Variants in RORA observed in about 807,000 individuals in gnomAD.
RORA encodes the protein RAR related orphan receptor A, also known as nuclear receptor ROR-alpha.
Under a neutral mutation model 69.5 loss-of-function variants are expected in RORA, and 7 were observed. The ratio of observed to expected loss-of-function variants is 0.10; its 90% CI spans 0.06 to 0.19. The LOEUF is 0.19. RORA is among the 10% of genes least tolerant of loss of function. The pLI is 1.00. For synonymous variants in RORA, 261 were observed against 240.8 expected, an observed-to-expected ratio of 1.08 and a Z score of -0.78; for missense variants, 457 against 663.0, an observed-to-expected ratio of 0.69 and a Z score of 3.41.
chr15:60,836,315 G>A lies in RORA; in HGVS notation c.167-157629C>T, dbSNP rs556413810. ...GAGGAGACAAAAAAAAGGAACTTCC[G>A]TCTTGCTCTGGATTTTTTAAAACTT... On this transcript the variant is annotated intron_variant, in intron 1 of 10. Transcript: ENST00000335670. 9.2e-5 allele frequency among the ~76,000 whole-genome samples: 14 copies of A among 152,242 alleles called. No homozygotes were observed. The South Asian group carries it at 1.7e-3, about 18-fold the overall frequency.
intron 1 of RORA, among the ~76,000 whole-genome samples, chr15:60,879,189 T>C (rs1202359568): frequency 6.6e-6 from 1 of 152,186 alleles, no homozygotes; most frequent in African/African-American, 2.4e-5. Context: ...CCTATCTTTG[T>C]AGGGGAGCAG....
intron 2 of RORA, among the ~76,000 whole-genome samples, chr15:60,677,632 C>T (rs1232153632): frequency 6.8e-6 from 1 of 148,072 alleles, no homozygotes; most frequent in Admixed American, 6.8e-5. Context: ...GACAGACAGA[C>T]AAACCCAAGA....
At chr15:61,076,189 C>T (rs768166451) in intron 1 of RORA, among the ~76,000 whole-genome samples, 10 of 152,154 alleles carry the variant, frequency 6.6e-5, no homozygotes, top group African/African-American at 1.9e-4. Context: ...AAGCAGAGGT[C>T]GCAGGGCCTG....
At chr15:61,033,701 G>C (rs1402215526) in intron 1 of RORA, among the ~76,000 whole-genome samples, 1 of 49,572 alleles carries the variant, frequency 2.0e-5, no homozygotes, top group Non-Finnish European at 3.9e-5. Context: ...TGGCCAGTCT[G>C]AATTGAGATG....
intron 2 of RORA, among the ~76,000 whole-genome samples, chr15:60,602,435 C>T (rs2068839378): frequency 6.6e-6 from 1 of 152,168 alleles, no homozygotes; most frequent in Non-Finnish European, 1.5e-5. Flanking sequence ...GTTTTGTCCT[C>T]TTATGAATAA....
chr15:61,186,069 T>G (rs1332214663), intron 1 of RORA, among the ~76,000 whole-genome samples: 2 of 152,198 alleles, frequency 1.3e-5, no homozygotes, highest in African/African-American at 4.8e-5. Context: ...TCCTAAAACG[T>G]GAAAAATTAA....
chr15:61,223,138 A>C (rs2140949888), intron 1 of RORA, among the ~76,000 whole-genome samples: 1 of 151,932 alleles, frequency 6.6e-6, no homozygotes, highest in South Asian at 2.1e-4. Context: ...ACATGGTGAA[A>C]CCCCGTCTCT....
intron 1 of RORA, among the ~76,000 whole-genome samples, chr15:60,972,402 C>G (rs1893744584): frequency 1.3e-5 from 2 of 152,214 alleles, no homozygotes; most frequent in Admixed American, 1.3e-4. Flanking sequence ...AGAAACTCCC[C>G]AACCAAGCAT....
At chr15:60,723,722 T>C (rs940754790) in intron 1 of RORA, among the ~76,000 whole-genome samples, 3 of 152,194 alleles carry the variant, frequency 2.0e-5, no homozygotes, top group Admixed American at 6.5e-5. Context: ...ATCCATTTAT[T>C]CATCTATTCA....
At chr15:60,760,851 GACACACAC>G (rs150514615) in intron 1 of RORA, among the ~76,000 whole-genome samples, 1 of 149,868 alleles carries the variant, frequency 6.7e-6, no homozygotes, top group Non-Finnish European at 1.5e-5. Flanking sequence ...CATGCAGACA[GACACACAC>G]ACACACACAC....
At chr15:60,989,045 CTTATT>C (rs1894293040) in intron 1 of RORA, among the ~76,000 whole-genome samples, 1 of 152,138 alleles carries the variant, frequency 6.6e-6, no homozygotes, top group Non-Finnish European at 1.5e-5. Flanking sequence ...GAAAAGTATT[CTTATT>C]TTATTTCTAT....
intron 1 of RORA, among the ~76,000 whole-genome samples, chr15:61,008,760 T>C (rs1894998333): frequency 6.6e-6 from 1 of 152,202 alleles, no homozygotes; most frequent in Admixed American, 6.5e-5. Flanking sequence ...CACTATGCTT[T>C]AGAAAAGCTG....
intron 1 of RORA, among the ~76,000 whole-genome samples, chr15:60,740,263 A>G (rs1027050433): frequency 6.6e-6 from 1 of 150,698 alleles, no homozygotes; most frequent in Non-Finnish European, 1.5e-5. Flanking sequence ...TACCCCCCGC[A>G]CTTCAGAAGA....
intron 1 of RORA, among the ~76,000 whole-genome samples, chr15:61,207,171 T>C (rs995645674): frequency 4.0e-5 from 6 of 151,860 alleles, no homozygotes; most frequent in Admixed American, 6.6e-5. Flanking sequence ...CACACACACA[T>C]ACTACTTGTT....
Position 61,071,931 on chromosome 15 carries a change from G to C in RORA, c.166+157122C>G, listed in dbSNP as rs574909401. On this transcript the variant is annotated intron_variant, in intron 1 of 10. Coordinates refer to ENST00000335670, the MANE Select transcript of RORA (RefSeq NM_134261.3). ...CAGGGTATAGTGAATGAGTAGAGAT[G>C]GGGTAGAGGGAGGATACTCAAAGAC... Among the ~76,000 whole-genome samples, 4 of 152,176 alleles carry C rather than the reference G, an allele frequency of 2.6e-5. No homozygotes were observed. The South Asian group carries it at 8.3e-4, about 32-fold the overall frequency.
At chr15:60,507,911 C>T (rs1051029980) in intron 5 of RORA, among the ~76,000 whole-genome samples, 1 of 152,108 alleles carries the variant, frequency 6.6e-6, no homozygotes, top group Admixed American at 6.6e-5. Flanking sequence ...GAAACTGTGG[C>T]CACTTATCCC....
Position 60,722,471 on chromosome 15 carries a change from T to TA in RORA, c.167-43786dup, listed in dbSNP as rs145126471. 2.7e-4 allele frequency among the ~76,000 whole-genome samples: 41 copies of TA among 152,346 alleles called. No individual in the cohort carries two copies. In the East Asian group the frequency reaches 7.3e-3, roughly 27 times the overall value. On this transcript the variant is annotated intron_variant, in intron 1 of 10. Transcript: ENST00000335670. ...TTCTGCCTTATTTGTGTAGAGGACTTACGTGCAGCTCTCTGACCTTCCTCT... is the reference window on the plus strand; with the variant it reads ...TTCTGCCTTATTTGTGTAGAGGACTTAACGTGCAGCTCTCTGACCTTCCTCT...
At chr15:61,165,403 T>C (rs964176831) in intron 1 of RORA, among the ~76,000 whole-genome samples, 3 of 152,208 alleles carry the variant, frequency 2.0e-5, no homozygotes, top group African/African-American at 7.2e-5. Context: ...ATTTTAGAGC[T>C]GCTAAGCCTC....
At chr15:61,016,822 G>T (rs1300212675) in intron 1 of RORA, among the ~76,000 whole-genome samples, 2 of 152,118 alleles carry the variant, frequency 1.3e-5, no homozygotes, top group Admixed American at 6.6e-5. Flanking sequence ...AAAACTGGTG[G>T]AGTAGTCCCC....
Sources: gnomAD v4.1 joint callset for allele counts (sites outside exome capture counted in the v4.1 genomes callset) on GRCh38, gnomAD v4.1.1 for gene constraint, MANE v1.5 for transcripts, NCBI Gene and HGNC (gene_info 2026-07-23, HGNC 2026-07-21) for gene names.